Variants in CACNA1A observed in about 807,000 individuals in gnomAD.
CACNA1A encodes calcium voltage-gated channel subunit alpha1 A.
Under a neutral mutation model 262.4 loss-of-function variants are expected in CACNA1A, and 57 were observed. The observed-to-expected ratio is 0.22, with a 90% CI of 0.18 to 0.27. CACNA1A has a LOEUF of 0.27. Ranked by LOEUF, CACNA1A falls within the 10% of genes least tolerant of loss-of-function variation. The probability of loss-of-function intolerance (pLI) is 1.00; values close to 1 mark genes in which losing one functional copy is unlikely to be tolerated. For missense variants in CACNA1A, 2,526 were observed against 3,562.8 expected (o/e 0.71, Z 7.41); for synonymous variants, 1,431 against 1,419.3 (o/e 1.01, Z -0.18).
rs140677034 is a variant in CACNA1A at position 13,398,792 on chromosome 19, C to T, written c.540-27013G>A. ...CATTCATGAGAAGTGCTGAGCACAC[C>T]ACCTGATGCATAGTAAGTGCTCAGG... On this transcript the variant is annotated intron_variant, in intron 3 of 46. Transcript: ENST00000360228. Among the ~76,000 whole-genome samples the T allele has an allele frequency of 5.3e-5, 8 of 152,328 alleles. No homozygotes were observed. The East Asian group carries it at 1.3e-3, about 26-fold the overall frequency.
rs557069610 is a variant in CACNA1A at position 13,346,349 on chromosome 19, T to C, written c.979-10440A>G. 1.6e-3 allele frequency among the ~76,000 whole-genome samples: 246 copies of C among 151,934 alleles called. 1 individual carries two copies. Among genetic ancestry groups the C allele is most frequent in the Non-Finnish European group, 2.1e-3 (146 of 67,988 alleles). On this transcript the variant is annotated intron_variant, in intron 6 of 46. Transcript: ENST00000360228. The stretch of plus-strand genomic sequence containing the variant: ...CTTTGCACTGGCTGTTCCATCTACC[T>C]CGGCTGCTGTTCCCTGAGATATCTC...
At chr19:13,249,264 T>C (rs1363714131) in intron 30 of CACNA1A, among the ~76,000 whole-genome samples, 1 of 152,086 alleles carries the variant, frequency 6.6e-6, no homozygotes, top group Non-Finnish European at 1.5e-5. Flanking sequence ...CCACCACACC[T>C]GGCCTCAAGT....
At chr19:13,307,714 T>C (rs959020039) in intron 15 of CACNA1A, 68 bp downstream of exon 15, 3 of 1,322,274 alleles carry the variant, frequency 2.3e-6, no homozygotes, top group East Asian at 2.3e-5. Context: ...GCCCCTTGGA[T>C]GTGGAGCAGG....
At chr19:13,486,426 C>A (rs138645916) in intron 1 of CACNA1A, among the ~76,000 whole-genome samples, 5 of 152,168 alleles carry the variant, frequency 3.3e-5, no homozygotes, top group African/African-American at 1.2e-4. Flanking sequence ...CACATACACA[C>A]ACACGTCAGT....
At chr19:13,424,446 T>A (rs1164031510) in intron 3 of CACNA1A, among the ~76,000 whole-genome samples, 1 of 152,174 alleles carries the variant, frequency 6.6e-6, no homozygotes, top group Non-Finnish European at 1.5e-5. Context: ...TTATTTATTT[T>A]ATTTTTTAAC....
At chr19:13,384,523 C>T (rs183335910) in intron 3 of CACNA1A, among the ~76,000 whole-genome samples, 1 of 152,184 alleles carries the variant, frequency 6.6e-6, no homozygotes, top group Admixed American at 6.6e-5. Context: ...CATGGCAAAA[C>T]TCCGTCTCTA....
chr19:13,400,070 A>T (rs1010298297), intron 3 of CACNA1A, among the ~76,000 whole-genome samples: 9 of 152,196 alleles, frequency 5.9e-5, no homozygotes, highest in Admixed American at 5.9e-4. Flanking sequence ...GTTAACAATT[A>T]TAATATTCAT....
At chr19:13,381,714 G>A (rs980854313) in intron 3 of CACNA1A, among the ~76,000 whole-genome samples, 3 of 152,208 alleles carry the variant, frequency 2.0e-5, no homozygotes, top group Non-Finnish European at 4.4e-5. Context: ...CAATTCATCC[G>A]TGTTCTTCAA....
intron 9 of CACNA1A, among the ~76,000 whole-genome samples, chr19:13,332,110 T>C (rs2058478081): frequency 6.6e-6 from 1 of 152,220 alleles, no homozygotes; most frequent in Non-Finnish European, 1.5e-5. Context: ...TCCTTTCATA[T>C]TCAGGTTTCC....
At position 13,499,450 on chromosome 19, in the gene CACNA1A, T is replaced by TGGG. The variant is rs199603194; in HGVS notation, c.293+6479_293+6481dup. ...CACACTGACCAGTCGCAGGGGGTGG[T>TGGG]GGGGGGGGGCACTTCGCTCCCATTC... On this transcript the variant is annotated intron_variant, in intron 1 of 46. Transcript: ENST00000360228. 9.3e-5 allele frequency among the ~76,000 whole-genome samples: 8 copies of TGGG among 86,032 alleles called. No homozygotes were observed. The South Asian group carries it at 1.4e-3, about 15-fold the overall frequency. The allele number at this position is 86,032 out of a possible 152,430, so 56.4% of individuals were successfully genotyped here.
At position 13,285,118 on chromosome 19, in the gene CACNA1A, A is replaced by G. The variant is rs1169985712; in HGVS notation, c.3642T>C (p.Pro1214=). The G allele has an allele frequency of 2.5e-6, 4 of 1,613,902 alleles. No individual in the cohort carries two copies. The highest frequency in any genetic ancestry group is 3.4e-6 in the Non-Finnish European group (4 of 1,179,866). Residue 1214 remains proline (P), a synonymous_variant, in exon 21 of 47, where the codon CCT becomes CCC. Coordinates refer to ENST00000360228, the MANE Select transcript of CACNA1A (RefSeq NM_001127222.2). ...TGGAGCTATAGGGAGGCATTGGCTT[A>G]GGGCCGTCTTCCCCACGGTCGTCTT... ...EEEDDRGEDG[P]KPMPPYSSMF... is the part of the protein sequence containing the mutation.
chr19:13,422,061 C>T (rs1235190212), intron 3 of CACNA1A, among the ~76,000 whole-genome samples: 18 of 152,188 alleles, frequency 1.2e-4, no homozygotes. Context: ...TGGCTAACCC[C>T]TGTAATGCCA....
At chr19:13,491,350 A>G (rs748964509) in intron 1 of CACNA1A, among the ~76,000 whole-genome samples, 1 of 152,130 alleles carries the variant, frequency 6.6e-6, no homozygotes, top group Non-Finnish European at 1.5e-5. Flanking sequence ...AGTTCTATAA[A>G]GCTTAGGGGC....
At chr19:13,432,311 A>T (rs911533815) in intron 3 of CACNA1A, among the ~76,000 whole-genome samples, 11 of 151,602 alleles carry the variant, frequency 7.3e-5, no homozygotes, top group African/African-American at 9.7e-5. Context: ...GCTACTCGGG[A>T]GGCTGAGGCT....
intron 3 of CACNA1A, among the ~76,000 whole-genome samples, chr19:13,439,387 T>C (rs1286051185): frequency 6.9e-6 from 1 of 145,052 alleles, no homozygotes; most frequent in African/African-American, 2.6e-5. Context: ...TCAGTCTGGG[T>C]TCTGGGTTCT....
At chr19:13,414,431 C>T (rs1252849828) in intron 3 of CACNA1A, among the ~76,000 whole-genome samples, 1 of 151,948 alleles carries the variant, frequency 6.6e-6, no homozygotes, top group South Asian at 2.1e-4. Flanking sequence ...CAGCGAAGGA[C>T]AATGTGCCAC....
At chr19:13,325,194 T>C (rs2058337415) in intron 10 of CACNA1A, among the ~76,000 whole-genome samples, 1 of 111,176 alleles carries the variant, frequency 9.0e-6, no homozygotes. Context: ...CTTCTTCTTC[T>C]TCTTTTTTTT....
At chr19:13,260,348 T>A (rs866919510) in intron 26 of CACNA1A, 1 of 140,648 alleles carries the variant, frequency 7.1e-6, no homozygotes, top group African/African-American at 2.6e-5. Flanking sequence ...GTTGTTGTTG[T>A]TTGTTTGTTT....
chr19:13,286,626 G>C lies in CACNA1A; in HGVS notation c.3430C>G (p.Leu1144Val). 6.5e-7 allele frequency: 1 copy of C among 1,540,920 alleles called. No individual in the cohort carries two copies. Among genetic ancestry groups the C allele is most frequent in the Non-Finnish European group, 8.7e-7 (1 of 1,144,830 alleles). Reference sequence around the variant, plus strand: ...GTGCCGCTGGGGTTGGTGACGATAAGGCTATTCTCGGGGGTCTTGGGGGGG... The same window carrying C: ...GTGCCGCTGGGGTTGGTGACGATAACGCTATTCTCGGGGGTCTTGGGGGGG... ...PGPPKTPENS[L>V]IVTNPSGTQT... The change falls in exon 20 of 47, where the codon CTT becomes GTT. Residue 1144 changes from leucine to valine, a missense_variant. Leu to Val is a conservative substitution (Grantham distance 32). Around this residue, in one of 17 missense-constraint regions of CACNA1A, gnomAD observed 765 missense variants for 748.6 expected, o/e 1.02. Transcript: ENST00000360228.
Sources: gnomAD v4.1 joint callset for allele counts (sites outside exome capture counted in the v4.1 genomes callset) on GRCh38, gnomAD v4.1.1 for gene constraint, gnomAD v4.1.1 regional missense constraint, MANE v1.5 for transcripts, NCBI Gene and HGNC (gene_info 2026-07-23, HGNC 2026-07-21) for gene names.